Variants in DIXDC1 observed in about 807,000 individuals in gnomAD.
The protein encoded by DIXDC1 is dixin.
In DIXDC1, 64 loss-of-function variants were observed where a neutral mutation model predicts 103.1. The observed-to-expected ratio is 0.62, with a 90% CI of 0.51 to 0.76. DIXDC1 has a LOEUF of 0.76. DIXDC1 is among the 30% of genes least tolerant of loss of function. The pLI, the probability that DIXDC1 is intolerant of heterozygous loss-of-function variation, is 0.00. For missense variants in DIXDC1, 759 were observed against 834.2 expected (o/e 0.91, Z 1.11); for synonymous variants, 266 against 298.5 (o/e 0.89, Z 1.12).
intron 1 of DIXDC1, among the ~76,000 whole-genome samples, chr11:111,948,340 C>T (rs1475725899): frequency 1.3e-5 from 2 of 152,178 alleles, no homozygotes; most frequent in Non-Finnish European, 2.9e-5. Flanking sequence ...TCCTTCCTGT[C>T]CTCTACCTTC....
intron 2 of DIXDC1, among the ~76,000 whole-genome samples, chr11:111,930,341 G>T (rs587653550): frequency 6.6e-6 from 1 of 151,878 alleles, no homozygotes; most frequent in African/African-American, 2.4e-5. Flanking sequence ...TATATAGTGA[G>T]CAATCTCAGC....
Position 111,985,273 on chromosome 11 carries a change from G to A in DIXDC1, c.960G>A (p.Glu320=), listed in dbSNP as rs781866944. The A allele has an allele frequency of 6.2e-7, 1 of 1,613,764 alleles. No individual in the cohort carries two copies. Among genetic ancestry groups the A allele is most frequent in the Non-Finnish European group, 8.5e-7 (1 of 1,179,808 alleles). Residue 320 remains glutamate, a synonymous_variant, in exon 8 of 20, where the codon GAG becomes GAA. Coordinates refer to ENST00000440460, the MANE Select transcript of DIXDC1 (RefSeq NM_001037954.4). ...LNGSLPEDEQ[E]RPLALCEPGV... The stretch of plus-strand genomic sequence containing the variant: ...GATCCTTACCTGAAGATGAACAGGA[G>A]AGGCCCTTGGCCCTCTGTGAACCAG...
chr11:111,968,452 T>C (rs1555171777), intron 2 of DIXDC1, 61 bp from the exon 3 acceptor site: 5 of 1,559,984 alleles, frequency 3.2e-6, no homozygotes, highest in Non-Finnish European at 4.4e-6. Flanking sequence ...TGTGTCTAGC[T>C]GCTATGAAAC....
intron 17 of DIXDC1, among the ~76,000 whole-genome samples, chr11:112,013,806 C>A (rs937891048): frequency 6.6e-6 from 1 of 152,092 alleles, no homozygotes; most frequent in South Asian, 2.1e-4. Context: ...AAAGGAATAC[C>A]TGAGGCTAGG....
chr11:111,943,722 G>A (rs587596416), intron 1 of DIXDC1, among the ~76,000 whole-genome samples: 48 of 151,750 alleles, frequency 3.2e-4, no homozygotes, highest in Middle Eastern at 3.4e-3. Flanking sequence ...GGATGGTCTC[G>A]ATCTCCTGAC....
intron 1 of DIXDC1, among the ~76,000 whole-genome samples, chr11:111,948,953 GC>G (rs1337439464): frequency 6.6e-6 from 1 of 151,656 alleles, no homozygotes; most frequent in Non-Finnish European, 1.5e-5. Context: ...ATGCTGTAGA[GC>G]CCAGGATTTA....
chr11:112,009,349 T>C (rs1039766231), intron 17 of DIXDC1, among the ~76,000 whole-genome samples: 12 of 149,992 alleles, frequency 8.0e-5, no homozygotes, highest in African/African-American at 1.9e-4. Context: ...CAGGACCAGA[T>C]GGATTTACAG....
rs879953092 is a variant in DIXDC1 at position 111,958,867 on chromosome 11, G to A, written c.61-5682G>A. ...GAAAATGATGGGACGACCTGCCTGC[G>A]GAGAGGAGCTACCCACTCCAGGGTC... On this transcript the variant is annotated intron_variant, in intron 1 of 19. Coordinates refer to ENST00000440460, the MANE Select transcript of DIXDC1 (RefSeq NM_001037954.4). This position sits in a 1 kb window ranked among gnomAD's most constrained non-coding sequence, Gnocchi z 4.2. Among the ~76,000 whole-genome samples, 2 of 152,132 alleles carry A rather than the reference G, an allele frequency of 1.3e-5. No homozygotes were observed. The highest frequency in any genetic ancestry group is 2.4e-5 in the African/African-American group (1 of 41,414).
At chr11:112,005,045 A>G (rs1335616121) in intron 17 of DIXDC1, among the ~76,000 whole-genome samples, 3 of 152,258 alleles carry the variant, frequency 2.0e-5, no homozygotes, top group Admixed American at 2.0e-4. Flanking sequence ...AAACTCATAT[A>G]TGACAAGGAT....
intron 5 of DIXDC1, among the ~76,000 whole-genome samples, chr11:111,980,235 G>A (rs1167492894): frequency 6.6e-6 from 1 of 151,998 alleles, no homozygotes; most frequent in Admixed American, 6.5e-5. Flanking sequence ...ACTCTCCTTT[G>A]TGATCAGCTC....
intron 7 of DIXDC1, among the ~76,000 whole-genome samples, chr11:111,983,086 C>T (rs1011407050): frequency 1.1e-4 from 16 of 152,230 alleles, no homozygotes; most frequent in East Asian, 5.8e-4. Context: ...ATAGTTCCCA[C>T]CCTGAGTGAC....
At chr11:111,940,818 G>A (rs1442864824) in intron 1 of DIXDC1, among the ~76,000 whole-genome samples, 2 of 152,134 alleles carry the variant, frequency 1.3e-5, no homozygotes, top group African/African-American at 2.4e-5. Flanking sequence ...TTCCCTGCTC[G>A]TCTGGTACAT....
chr11:111,988,803 G>T, intron 9 of DIXDC1: 1 of 403,104 alleles, frequency 2.5e-6, no homozygotes, highest in East Asian at 4.0e-5. Flanking sequence ...GGTGCCAACA[G>T]GGAAGAACGG....
At chr11:111,952,457 G>A (rs928054890) in intron 1 of DIXDC1, among the ~76,000 whole-genome samples, 3 of 152,144 alleles carry the variant, frequency 2.0e-5, no homozygotes, top group Non-Finnish European at 4.4e-5. Context: ...ACTTTGGGAG[G>A]CCAAGGTGGG....
In DIXDC1 at chr11:111,974,023, A is replaced by G; in HGVS notation, c.317A>G (p.Asp106Gly). The change falls in exon 4 of 20, where the codon GAT (aspartate) becomes GGT (glycine). Residue 106 changes from aspartate (D) to glycine (G), a missense_variant and splice_region_variant. Transcript: ENST00000440460. Reference sequence around the variant, plus strand: ...ATTCTTGGTCCGTTTTATCCTTCAGATATTGTGGATGGAAACCTGAAGTCT... The same window carrying G: ...ATTCTTGGTCCGTTTTATCCTTCAGGTATTGTGGATGGAAACCTGAAGTCT... ...KIRMHQTSAK[D>G]IVDGNLKSIM... 1 of 1,613,598 alleles carries G rather than the reference A, an allele frequency of 6.2e-7. No individual in the cohort carries two copies.
intron 1 of DIXDC1, among the ~76,000 whole-genome samples, chr11:111,946,291 G>T (rs587644646): frequency 1.3e-3 from 201 of 152,240 alleles, no homozygotes; most frequent in African/African-American, 4.6e-3. Flanking sequence ...TGTATTTTTA[G>T]TAGAGACGGG....
intron 1 of DIXDC1, among the ~76,000 whole-genome samples, chr11:111,956,497 A>AT (rs1284581072): frequency 1.3e-5 from 2 of 151,578 alleles, no homozygotes; most frequent in African/African-American, 4.9e-5. Flanking sequence ...AATAATAATA[A>AT]TTTTTTTTTA....
chr11:111,951,935 G>A (rs1447041214), intron 1 of DIXDC1, among the ~76,000 whole-genome samples: 1 of 147,926 alleles, frequency 6.8e-6, no homozygotes, highest in Non-Finnish European at 1.5e-5. Context: ...GCATGATCTT[G>A]GCTTGCTGCG....
chr11:111,968,419 T>A, intron 2 of DIXDC1, 94 bp from the exon 3 acceptor site: 1 of 1,312,146 alleles, frequency 7.6e-7, no homozygotes, highest in Non-Finnish European at 1.1e-6. Flanking sequence ...ATGTTGGTGT[T>A]CACATCAAAT....
Sources: allele counts gnomAD v4.1 joint callset (sites outside exome capture counted in the v4.1 genomes callset), GRCh38; gene constraint gnomAD v4.1.1; non-coding constraint Gnocchi (gnomAD v3.1); transcripts MANE v1.5; gene names NCBI Gene and HGNC (gene_info 2026-07-23, HGNC 2026-07-21).